The following PAM16 variants were observed in gnomAD, a reference collection of about 807,000 sequenced individuals.
PAM16 encodes the protein mitochondrial import inner membrane translocase subunit TIM16.
Under a neutral mutation model 17.9 loss-of-function variants are expected in PAM16, and 11 were observed. The ratio of observed to expected loss-of-function variants is 0.62; its 90% CI spans 0.39 to 1.02. The LOEUF is 1.02. Among genes scored for constraint, PAM16 ranks in the 50% least tolerant of loss-of-function variants. PAM16 has a pLI of 0.01. For synonymous variants in PAM16, 72 were observed against 67.4 expected (o/e 1.07, Z -0.34); for missense variants, 199 against 165.4 (o/e 1.20, Z -1.11).
Position 4,340,342 on chromosome 16 carries a change from T to C in PAM16, c.355A>G (p.Lys119Glu), listed in dbSNP as rs761627852. The C allele has an allele frequency of 5.6e-6, 9 of 1,612,928 alleles. No homozygotes were observed. Among genetic ancestry groups the C allele is most frequent in the Admixed American group, 5.0e-5 (3 of 60,008 alleles). Residue 119 changes from lysine (K) to glutamate (E), a missense_variant, in exon 5 of 5, where the codon AAA (lysine) becomes GAA (glutamate). Physicochemically the swap from Lys to Glu is moderately conservative, Grantham distance 56 (BLOSUM62 1). Coordinates refer to ENST00000318059, the MANE Select transcript of PAM16 (RefSeq NM_016069.11). ...AGTCACGTATGGGGCATCTGCCCTT[T>C]TTCTCTGTCCTCCTGGGCCTGGATT... is the stretch of plus-strand genomic sequence containing the variant. ...LKIQAQEDRE[K>E]GQMPHT
chr16:4,351,129 G>C (rs1423354173), intron 1 of PAM16, 103 bp downstream of exon 1: 2 of 564,274 alleles, frequency 3.5e-6, no homozygotes, highest in African/African-American at 3.9e-5. Context: ...GGCACGCAGG[G>C]GGCGCACGGC....
At chr16:4,343,086 T>C (rs907154304) in intron 2 of PAM16, 121 bp downstream of exon 2, 76 of 1,315,812 alleles carry the variant, frequency 5.8e-5, no homozygotes, top group Non-Finnish European at 7.6e-5. Context: ...CCCCCCACCA[T>C]GGGAAGTGCC....
At chr16:4,347,752 C>G (rs1403674848) in intron 1 of PAM16, 1 of 152,234 alleles carries the variant, frequency 6.6e-6, no homozygotes, top group African/African-American at 2.4e-5. Context: ...CATAGTCCAC[C>G]GACTGACACT....
At chr16:4,347,344 T>A (rs2053774275) in intron 1 of PAM16, 1 of 152,242 alleles carries the variant, frequency 6.6e-6, no homozygotes, top group Non-Finnish European at 1.5e-5. Context: ...TTCGCCATGT[T>A]GCCCAGGCTG....
intron 1 of PAM16, chr16:4,348,100 C>G (rs988963075): frequency 3.3e-5 from 5 of 152,204 alleles, no homozygotes; most frequent in African/African-American, 1.2e-4. Flanking sequence ...CTCTGGTCAC[C>G]CAGGGCCCCT....
chr16:4,346,067 C>T (rs373765751), intron 1 of PAM16: 1 of 695,646 alleles, frequency 1.4e-6, no homozygotes, highest in African/African-American at 1.9e-5. Flanking sequence ...CCCCGACCAT[C>T]CCCTGCACAC....
At position 4,340,647 on chromosome 16, in the gene PAM16, G is replaced by A. The variant is rs1205569689; in HGVS notation, c.292-242C>T. Among the ~76,000 whole-genome samples the A allele has an allele frequency of 3.3e-5, 5 of 152,188 alleles. No homozygotes were observed. The East Asian group carries it at 9.6e-4, about 29-fold the overall frequency. Reference sequence around the variant, plus strand: ...GAGCTGTTTCTAGCACCCCACCCACGGGGGCTCCTGCTCCTTCGAAGTCCC... The same window carrying A: ...GAGCTGTTTCTAGCACCCCACCCACAGGGGCTCCTGCTCCTTCGAAGTCCC... On this transcript the variant is annotated intron_variant, in intron 4 of 4. Coordinates refer to ENST00000318059, the MANE Select transcript of PAM16 (RefSeq NM_016069.11).
Position 4,340,334 on chromosome 16 carries a change from C to T in PAM16, c.363G>A (p.Gln121=), listed in dbSNP as rs1405164621. ...IQAQEDREKG[Q]MPHT is the part of the protein sequence containing the mutation. Reference sequence around the variant, plus strand: ...AGCCGAGCAGTCACGTATGGGGCATCTGCCCTTTTTCTCTGTCCTCCTGGG... The same window carrying T: ...AGCCGAGCAGTCACGTATGGGGCATTTGCCCTTTTTCTCTGTCCTCCTGGG... Residue 121 remains glutamine (Q), a synonymous_variant, in exon 5 of 5, where the codon CAG becomes CAA. Coordinates refer to ENST00000318059, the MANE Select transcript of PAM16 (RefSeq NM_016069.11). The T allele has an allele frequency of 2.5e-6, 4 of 1,612,928 alleles. No homozygotes were observed. Among genetic ancestry groups the T allele is most frequent in the Non-Finnish European group, 3.4e-6 (4 of 1,179,862 alleles).
At chr16:4,340,482 C>T in intron 4 of PAM16, 77 bp from the exon 5 acceptor site, 1 of 1,503,698 alleles carries the variant, frequency 6.7e-7, no homozygotes, top group Non-Finnish European at 9.1e-7. Flanking sequence ...ATGGCCTATT[C>T]CCATCAGCCC....
intron 2 of PAM16, among the ~76,000 whole-genome samples, chr16:4,342,268 G>A (rs935594340): frequency 6.6e-6 from 1 of 152,234 alleles, no homozygotes; most frequent in African/African-American, 2.4e-5. Context: ...TGAGGCAGGA[G>A]CATTGCTTGA....
At chr16:4,343,794 C>A in intron 1 of PAM16, 1 of 401,744 alleles carries the variant, frequency 2.5e-6, no homozygotes, top group Non-Finnish European at 4.4e-6. Flanking sequence ...CCATTCCATT[C>A]AATAAAACAA....
At chr16:4,349,011 G>A (rs569192251) in intron 1 of PAM16, among the ~76,000 whole-genome samples, 3 of 137,286 alleles carry the variant, frequency 2.2e-5, no homozygotes, top group Non-Finnish European at 4.6e-5. Flanking sequence ...CCGGAGTGCA[G>A]TAGCGCGACC....
chr16:4,340,678 C>T (rs970133468), intron 4 of PAM16, among the ~76,000 whole-genome samples: 2 of 152,110 alleles, frequency 1.3e-5, no homozygotes, highest in African/African-American at 4.8e-5. Context: ...GTCCCAGCTG[C>T]TGGGAGGGAG....
In PAM16 at chr16:4,351,320, A is replaced by G; in HGVS notation, c.-86T>C. ...AGCGTGGTCGGCGGGTCAGAGGTCA[A>G]GGAAAGCCGCAGAGAGCGCGTGCGC... On this transcript the variant is annotated 5_prime_UTR_variant, in exon 1 of 5. Transcript: ENST00000318059. 9.0e-7 allele frequency: 1 copy of G among 1,111,224 alleles called. No individual in the cohort carries two copies. 68.8% of individuals were successfully genotyped at this position (1,111,224 alleles called of 1,614,324 possible). A position where few individuals can be genotyped will look rare whatever the true frequency, so the allele number is the denominator to read the frequency against.
chr16:4,348,682 G>GTC (rs953110515), intron 1 of PAM16: 1 of 152,142 alleles, frequency 6.6e-6, no homozygotes, highest in African/African-American at 2.4e-5. Context: ...TGGAGATGGA[G>GTC]TCTTGCTCTG....
At chr16:4,343,676 G>A in intron 1 of PAM16, 6 of 703,356 alleles carry the variant, frequency 8.5e-6, no homozygotes, top group Non-Finnish European at 1.2e-5. Context: ...TCGACCCTGG[G>A]GCCGACCATC....
Position 4,344,323 on chromosome 16 carries a change from GGGTTCCGT to G in PAM16, c.4-1040_4-1033del, listed in dbSNP as rs1400133743. Among the ~76,000 whole-genome samples the G allele has an allele frequency of 3.5e-3, 90 of 25,564 alleles. 17 individuals carry two copies. The highest frequency in any genetic ancestry group is 5.0e-3 in the South Asian group (3 of 598). The allele number at this position is 25,564 out of a possible 152,430, so 16.8% of individuals were successfully genotyped here. On this transcript the variant is annotated intron_variant, in intron 1 of 4. Coordinates refer to ENST00000318059, the MANE Select transcript of PAM16 (RefSeq NM_016069.11). ...GAGGAGGGGGTTCTGTGAGAGGAGG[GGGTTCCGT>G]GAGAGGAGGGGGTTCTGTGTGAGAA... is the stretch of plus-strand genomic sequence containing the variant.
chr16:4,351,228 T>C lies in PAM16; in HGVS notation c.3+4A>G, dbSNP rs2141159370. The stretch of plus-strand genomic sequence containing the variant: ...TCCCCGGTAGCGCCCGACTCGGGGC[T>C]CACCATGGCAGCCGCTCTGCCTCCG... On this transcript the variant is annotated splice_donor_region_variant and intron_variant, in intron 1 of 4. Coordinates refer to ENST00000318059, the MANE Select transcript of PAM16 (RefSeq NM_016069.11). The C allele has an allele frequency of 1.4e-6, 2 of 1,451,238 alleles. No homozygotes were observed. The highest frequency in any genetic ancestry group is 1.5e-5 in the South Asian group (1 of 66,722). The allele number at this position is 1,451,238 out of a possible 1,614,324, so 89.9% of individuals were successfully genotyped here. A position where few individuals can be genotyped will look rare whatever the true frequency, so the allele number is the denominator to read the frequency against.
chr16:4,340,347 C>G lies in PAM16; in HGVS notation c.350G>C (p.Arg117Thr). Residue 117 changes from arginine to threonine, a missense_variant, in exon 5 of 5, where the codon AGA (arginine) becomes ACA (threonine). Transcript: ENST00000318059. ...EELKIQAQED[R>T]EKGQMPHT The stretch of plus-strand genomic sequence containing the variant: ...CGTATGGGGCATCTGCCCTTTTTCT[C>G]TGTCCTCCTGGGCCTGGATTTTGAG... 6.2e-7 allele frequency: 1 copy of G among 1,613,044 alleles called. No homozygotes were observed. Among genetic ancestry groups the G allele is most frequent in the Non-Finnish European group, 8.5e-7 (1 of 1,179,896 alleles).
Sources: gnomAD v4.1 joint callset for allele counts (sites outside exome capture counted in the v4.1 genomes callset) on GRCh38, gnomAD v4.1.1 for gene constraint, MANE v1.5 for transcripts, NCBI Gene and HGNC (gene_info 2026-07-23, HGNC 2026-07-21) for gene names.